Variants in ABHD17B observed in about 807,000 individuals in gnomAD.
The protein encoded by ABHD17B is abhydrolase domain containing 17B, depalmitoylase, also known as alpha/beta hydrolase domain-containing protein 17B.
ABHD17B carries 9 observed loss-of-function variants against 26.2 expected under a neutral mutation model. The observed-to-expected ratio is 0.34, with a 90% CI of 0.21 to 0.60. The LOEUF is 0.60. Among genes scored for constraint, ABHD17B ranks in the 20% least tolerant of loss-of-function variants. ABHD17B has a pLI of 0.80. For synonymous variants in ABHD17B, 127 were observed against 122.3 expected (o/e 1.04, Z -0.25); for missense variants, 224 against 352.1 (o/e 0.64, Z 2.91).
At chr9:71,904,458 T>G (rs1326284075) in intron 1 of ABHD17B, among the ~76,000 whole-genome samples, 1 of 152,220 alleles carries the variant, frequency 6.6e-6, no homozygotes, top group African/African-American at 2.4e-5. Flanking sequence ...TATATTCAAG[T>G]AACATTTAAA....
intron 1 of ABHD17B, among the ~76,000 whole-genome samples, chr9:71,877,866 G>C (rs1298358739): frequency 1.3e-5 from 2 of 152,126 alleles, no homozygotes; most frequent in African/African-American, 4.8e-5. Flanking sequence ...CTAGTTTAAT[G>C]ACAACTTCAC....
intron 1 of ABHD17B, among the ~76,000 whole-genome samples, chr9:71,891,540 G>T (rs1056118712): frequency 6.6e-6 from 1 of 152,076 alleles, no homozygotes; most frequent in South Asian, 2.1e-4. Context: ...CATGCTGTTG[G>T]AATGCTTCTT....
chr9:71,875,643 A>C (rs766222906), intron 1 of ABHD17B, among the ~76,000 whole-genome samples: 2 of 152,212 alleles, frequency 1.3e-5, no homozygotes, highest in Non-Finnish European at 2.9e-5. Context: ...ATCTCATTTA[A>C]CATAAATGTC....
rs553893723 is a variant in ABHD17B, at chr9:71,907,430, A to C, written c.-4+3204T>G. Among the ~76,000 whole-genome samples the C allele has an allele frequency of 2.4e-4, 36 of 152,330 alleles. 1 individual carries two copies. The highest frequency in any genetic ancestry group is 8.4e-4 in the African/African-American group (35 of 41,590). ...GTGGATATAGGAAGGATGCATGTCA[A>C]CTTTGGGTCACTGGTTAGATATCGG... On this transcript the variant is annotated intron_variant, in intron 1 of 3. Transcript: ENST00000333421.
At chr9:71,908,260 C>T (rs929302392) in intron 1 of ABHD17B, among the ~76,000 whole-genome samples, 5 of 151,790 alleles carry the variant, frequency 3.3e-5, no homozygotes, top group Admixed American at 3.3e-4. Context: ...GGAGTGGTGG[C>T]GGGTGCCCGT....
chr9:71,874,604 C>T lies in ABHD17B; in HGVS notation c.467+10G>A, dbSNP rs41316478. 10,464 of 1,532,026 alleles carry T rather than the reference C, an allele frequency of 6.8e-3. 48 individuals are homozygous for T. Among genetic ancestry groups the T allele is most frequent in the Non-Finnish European group, 8.1e-3 (9,262 of 1,141,246 alleles). The allele number at this position is 1,532,026 out of a possible 1,614,324, so 94.9% of individuals were successfully genotyped here. A position where few individuals can be genotyped will look rare whatever the true frequency, so the allele number is the denominator to read the frequency against. On this transcript the variant is annotated intron_variant, in intron 2 of 3. Coordinates refer to ENST00000333421, the MANE Select transcript of ABHD17B (RefSeq NM_001025780.3). ...ACGAGTATGAAAAATAAATTCCAAC[C>T]ACAATTTACCTTGTCCTAAGAGCAA...
At chr9:71,899,869 AC>A (rs1827081599) in intron 1 of ABHD17B, among the ~76,000 whole-genome samples, 1 of 151,640 alleles carries the variant, frequency 6.6e-6, no homozygotes. Context: ...GAAAAAAAAA[AC>A]ACTTTAATTC....
At chr9:71,894,003 T>G (rs1826874772) in intron 1 of ABHD17B, among the ~76,000 whole-genome samples, 1 of 138,696 alleles carries the variant, frequency 7.2e-6, no homozygotes, top group Non-Finnish European at 1.5e-5. Context: ...GGCAAGAGAA[T>G]GGTGTGAACC....
At position 71,865,491 on chromosome 9, in the gene ABHD17B, G is replaced by A. The variant is rs990848060; in HGVS notation, c.*1296C>T. 15 of 982,916 alleles carry A rather than the reference G, an allele frequency of 1.5e-5. No individual in the cohort carries two copies. The highest frequency in any genetic ancestry group is 1.4e-4 in the South Asian group (3 of 21,236). 60.9% of individuals were successfully genotyped at this position (982,916 alleles called of 1,614,324 possible). On this transcript the variant is annotated 3_prime_UTR_variant, in exon 4 of 4. Transcript: ENST00000333421. ...TTAATATAAAAGTTATGAATTAAACGTATTCTTATCTCCTATACCCAGGAG... is the reference window on the plus strand; with the variant it reads ...TTAATATAAAAGTTATGAATTAAACATATTCTTATCTCCTATACCCAGGAG...
chr9:71,868,914 C>G (rs565670600), intron 3 of ABHD17B, among the ~76,000 whole-genome samples: 9 of 152,164 alleles, frequency 5.9e-5, no homozygotes, highest in Non-Finnish European at 1.3e-4. Flanking sequence ...GTCTCGAACT[C>G]TTGGCCTCAA....
At chr9:71,906,307 T>C (rs1040458264) in intron 1 of ABHD17B, among the ~76,000 whole-genome samples, 2 of 152,158 alleles carry the variant, frequency 1.3e-5, no homozygotes, top group Non-Finnish European at 2.9e-5. Flanking sequence ...CTGAGGATAG[T>C]TTGTTATTTC....
At chr9:71,877,096 G>A (rs1360855459) in intron 1 of ABHD17B, among the ~76,000 whole-genome samples, 1 of 152,196 alleles carries the variant, frequency 6.6e-6, no homozygotes, top group East Asian at 1.9e-4. Flanking sequence ...AGCAAAAGAT[G>A]TGATAAATTA....
Position 71,875,445 on chromosome 9 carries a change from G to A in ABHD17B, c.-3-362C>T, listed in dbSNP as rs141520819. On this transcript the variant is annotated intron_variant, in intron 1 of 3. Coordinates refer to ENST00000333421, the MANE Select transcript of ABHD17B (RefSeq NM_001025780.3). ...TCTCCATGTTGATCAGATTGGTCTC[G>A]AACTCCTGACCTCAGGTGATTCACC... Among the ~76,000 whole-genome samples the A allele has an allele frequency of 3.7e-3, 568 of 152,064 alleles. 3 individuals are homozygous for A. Among genetic ancestry groups the A allele is most frequent in the African/African-American group, 0.013 (529 of 41,496 alleles).
At chr9:71,899,448 T>C (rs1412131430) in intron 1 of ABHD17B, among the ~76,000 whole-genome samples, 1 of 152,202 alleles carries the variant, frequency 6.6e-6, no homozygotes, top group African/African-American at 2.4e-5. Flanking sequence ...AAGCAGGCAT[T>C]TAAGATGGGT....
chr9:71,909,175 C>T (rs1285644962), intron 1 of ABHD17B, among the ~76,000 whole-genome samples: 1 of 152,166 alleles, frequency 6.6e-6, no homozygotes, highest in Non-Finnish European at 1.5e-5. Context: ...TTAAAACTGC[C>T]TAGCCTGCTA....
intron 1 of ABHD17B, among the ~76,000 whole-genome samples, chr9:71,909,969 G>C (rs1000838471): frequency 6.6e-6 from 1 of 151,164 alleles, no homozygotes; most frequent in Admixed American, 6.6e-5. Context: ...CTTTGTTTCG[G>C]GGTTAAAAAA....
rs1393564101 is a variant in ABHD17B at position 71,870,164 on chromosome 9, A to G, written c.566T>C (p.Ile189Thr). ...LAARYESAAVILHSPLTSGMR... is the reference protein window; with the variant it reads ...LAARYESAAVTLHSPLTSGMR... ...TCCCGAAGTCAGAGGAGAATGAAGA[A>G]TAACAGCAGCACTCTCATATCGAGC... The change falls in exon 3 of 4, where the codon ATT (isoleucine) becomes ACT (threonine). Residue 189 changes from isoleucine to threonine, a missense_variant. Ile to Thr is a moderately conservative substitution (Grantham distance 89). Transcript: ENST00000333421. 6.2e-7 allele frequency: 1 copy of G among 1,614,156 alleles called. No homozygotes were observed. The highest frequency in any genetic ancestry group is 8.5e-7 in the Non-Finnish European group (1 of 1,179,982).
intron 1 of ABHD17B, among the ~76,000 whole-genome samples, chr9:71,884,255 T>C (rs990042881): frequency 2.0e-5 from 3 of 152,156 alleles, no homozygotes; most frequent in African/African-American, 7.2e-5. Flanking sequence ...TGGTAAGCCA[T>C]TGTGTTTACC....
At chr9:71,863,160 G>A (rs190066111), downstream of ABHD17B, among the ~76,000 whole-genome samples, 7 of 152,230 alleles carry the variant, frequency 4.6e-5, no homozygotes, top group African/African-American at 1.7e-4. Flanking sequence ...ACAAGACCAA[G>A]GATTTGTGTT....
Sources: gnomAD v4.1 joint callset for allele counts (sites outside exome capture counted in the v4.1 genomes callset) on GRCh38, gnomAD v4.1.1 for gene constraint, MANE v1.5 for transcripts, NCBI Gene and HGNC (gene_info 2026-07-23, HGNC 2026-07-21) for gene names.